The following TMCO6 variants were observed in gnomAD, a reference collection of about 807,000 sequenced individuals.
The protein encoded by TMCO6 is transmembrane and coiled-coil domains 6.
A neutral mutation model predicts 61.8 loss-of-function variants in TMCO6; 47 were observed. That is an observed-to-expected ratio of 0.76 (90% CI 0.60 to 0.97). The LOEUF is 0.97. Among genes scored for constraint, TMCO6 ranks in the 50% least tolerant of loss-of-function variants. The probability of loss-of-function intolerance (pLI) is 0.00; values close to 1 mark genes in which losing one functional copy is unlikely to be tolerated. For synonymous variants in TMCO6, 261 were observed against 254.2 expected (o/e 1.03, Z -0.25); for missense variants, 557 against 601.6 (o/e 0.93, Z 0.78).
the TMCO6 span, chr5:140,632,300 C>A: frequency 6.2e-7 from 1 of 1,613,968 alleles, no homozygotes. The surrounding 1 kb of genome is among the most constrained non-coding windows in gnomAD (Gnocchi z 6.2). Context: ...TGTTGCGCAG[C>A]GCTAGATTCT....
chr5:140,642,976 T>C lies in TMCO6; in HGVS notation c.741T>C (p.Pro247=), dbSNP rs1757138819. The change falls in exon 7 of 12, where the codon CCT becomes CCC. Residue 247 remains proline, a synonymous_variant. Coordinates refer to ENST00000394671, the MANE Select transcript of TMCO6 (RefSeq NM_018502.5). ...LPQHMLQMLQ[P]GPKLNPGVAV... ...AGCACATGCTACAAATGTTGCAACC[T>C]GGCCCAAAGCTCAACCCTGGGGTCG... The C allele has an allele frequency of 6.2e-7, 1 of 1,614,072 alleles. No individual in the cohort carries two copies. Among genetic ancestry groups the C allele is most frequent in the Non-Finnish European group, 8.5e-7 (1 of 1,180,032 alleles).
At chr5:140,640,008 C>G in intron 2 of TMCO6, 157 bp downstream of exon 2, 1 of 649,348 alleles carries the variant, frequency 1.5e-6, no homozygotes, top group Non-Finnish European at 2.8e-6. Flanking sequence ...CTGCACAACT[C>G]TTTGACCCAC....
the TMCO6 span, chr5:140,632,276 C>T: frequency 5.0e-6 from 8 of 1,613,818 alleles, no homozygotes; most frequent in African/African-American, 1.3e-5. The surrounding 1 kb of genome is among the most constrained non-coding windows in gnomAD (Gnocchi z 6.2). Flanking sequence ...CGCCTGTGGG[C>T]GTCTCCATTC....
At chr5:140,627,565 G>A in the TMCO6 span, among the ~76,000 whole-genome samples, 1 of 152,064 alleles carries the variant, frequency 6.6e-6, no homozygotes, top group African/African-American at 2.4e-5. Context: ...AGGCATTAAA[G>A]TTTTAATTTT....
chr5:140,625,231 C>A, the TMCO6 span, among the ~76,000 whole-genome samples: 1 of 151,982 alleles, frequency 6.6e-6, no homozygotes, highest in African/African-American at 2.4e-5. Context: ...ACTTTCAACA[C>A]AGCAGCTAAT....
At chr5:140,631,145 T>G in the TMCO6 span, among the ~76,000 whole-genome samples, 2 of 152,212 alleles carry the variant, frequency 1.3e-5, no homozygotes, top group Non-Finnish European at 1.5e-5. Context: ...GACTGTATCT[T>G]GCGTCAGTTC....
chr5:140,618,066 A>G, the TMCO6 span, among the ~76,000 whole-genome samples: 1 of 152,338 alleles, frequency 6.6e-6, no homozygotes, highest in East Asian at 1.9e-4. Context: ...TGAAGAAAAT[A>G]GAACAATGGA....
At chr5:140,622,679 G>A in the TMCO6 span, among the ~76,000 whole-genome samples, 1 of 148,822 alleles carries the variant, frequency 6.7e-6, no homozygotes, top group African/African-American at 2.5e-5. Flanking sequence ...TGTGCTAGAA[G>A]CTTGTACACC....
At chr5:140,598,557 T>C in the TMCO6 span, among the ~76,000 whole-genome samples, 2 of 152,224 alleles carry the variant, frequency 1.3e-5, no homozygotes, top group African/African-American at 4.8e-5. Flanking sequence ...TCCAAATTAG[T>C]ACAGTATCTT....
the TMCO6 span, among the ~76,000 whole-genome samples, chr5:140,618,771 T>G: frequency 1.2e-3 from 177 of 152,126 alleles, 4 homozygotes; most frequent in Admixed American, 0.012. Flanking sequence ...GAAATCCACA[T>G]GCAAAAACAT....
chr5:140,632,512 G>A, the TMCO6 span: 1 of 1,614,126 alleles, frequency 6.2e-7, no homozygotes, highest in Non-Finnish European at 8.5e-7. This position sits in a 1 kb window ranked among gnomAD's most constrained non-coding sequence, Gnocchi z 6.2. Context: ...AGCCAAGAAC[G>A]CCCTGTCGCC....
Position 140,643,976 on chromosome 5 carries a change from A to G in TMCO6, c.1105+10A>G, listed in dbSNP as rs1561955804. 13 of 1,614,018 alleles carry G rather than the reference A, an allele frequency of 8.1e-6. No individual in the cohort carries two copies. The East Asian group carries it at 2.9e-4, about 36-fold the overall frequency. On this transcript the variant is annotated intron_variant, in intron 9 of 11. Coordinates refer to ENST00000394671, the MANE Select transcript of TMCO6 (RefSeq NM_018502.5). ...CTCAACAACCTCACTGGTACGCACC[A>G]TAATCTGCCCAGGCCTGGACATTTG...
At chr5:140,631,398 T>C in the TMCO6 span, among the ~76,000 whole-genome samples, 281 of 152,258 alleles carry the variant, frequency 1.8e-3, 1 homozygote, top group African/African-American at 6.0e-3. Context: ...TGGGTTTTAT[T>C]ACCTTTGAAA....
chr5:140,623,524 C>G, the TMCO6 span, among the ~76,000 whole-genome samples: 3 of 152,266 alleles, frequency 2.0e-5, no homozygotes, highest in East Asian at 5.8e-4. Context: ...TCCTGAACCC[C>G]ATCGGTCTCT....
At chr5:140,601,485 C>T in the TMCO6 span, among the ~76,000 whole-genome samples, 1 of 152,154 alleles carries the variant, frequency 6.6e-6, no homozygotes, top group Non-Finnish European at 1.5e-5. Flanking sequence ...GCAGGGGCTC[C>T]CTTTGGTCCA....
chr5:140,632,170 A>G, the TMCO6 span: 1 of 1,613,934 alleles, frequency 6.2e-7, no homozygotes, highest in Non-Finnish European at 8.5e-7. This position sits in a 1 kb window ranked among gnomAD's most constrained non-coding sequence, Gnocchi z 6.2. Context: ...GACCACATGC[A>G]TCTCGGAGCG....
the TMCO6 span, among the ~76,000 whole-genome samples, chr5:140,608,325 T>C: frequency 6.6e-6 from 1 of 152,328 alleles, no homozygotes; most frequent in African/African-American, 2.4e-5. Flanking sequence ...ATTCAAGCCC[T>C]TTTCCCATAT....
chr5:140,623,268 G>A, the TMCO6 span, among the ~76,000 whole-genome samples: 1 of 152,192 alleles, frequency 6.6e-6, no homozygotes, highest in Non-Finnish European at 1.5e-5. Context: ...CAGCTGCAAA[G>A]TCACTAGACA....
chr5:140,615,969 GA>G, the TMCO6 span, among the ~76,000 whole-genome samples: 3 of 151,724 alleles, frequency 2.0e-5, no homozygotes, highest in Non-Finnish European at 4.4e-5. Context: ...TGTCTCTAGT[GA>G]AAATACAAAA....
Sources: allele counts gnomAD v4.1 joint callset (sites outside exome capture counted in the v4.1 genomes callset), GRCh38; gene constraint gnomAD v4.1.1; non-coding constraint Gnocchi (gnomAD v3.1); transcripts MANE v1.5; gene names NCBI Gene and HGNC (gene_info 2026-07-23, HGNC 2026-07-21).